The following LAMA2 variants were observed in gnomAD, a reference collection of about 807,000 sequenced individuals.
LAMA2 encodes laminin subunit alpha 2, also known as laminin subunit alpha-2.
In LAMA2, 269 loss-of-function variants were observed where a neutral mutation model predicts 364.8. That is an observed-to-expected ratio of 0.74 (90% CI 0.67 to 0.82). The LOEUF (loss-of-function observed/expected upper bound fraction) is 0.82, where lower values mean the gene tolerates loss of function less well. Among genes scored for constraint, LAMA2 ranks in the 40% least tolerant of loss-of-function variants. LAMA2 has a pLI of 0.00. For synonymous variants in LAMA2, 1,379 were observed against 1,370.6 expected (o/e 1.01, Z -0.14); for missense variants, 3,807 against 3,873.2 (o/e 0.98, Z 0.45).
intron 1 of LAMA2, among the ~76,000 whole-genome samples, chr6:128,979,318 A>C (rs1045479360): frequency 2.0e-5 from 3 of 152,164 alleles, no homozygotes; most frequent in Non-Finnish European, 4.4e-5. Context: ...TCTCCGTTTG[A>C]ACTAGTGCAG....
intron 19 of LAMA2, among the ~76,000 whole-genome samples, chr6:129,289,956 A>G (rs1254276869): frequency 6.6e-6 from 1 of 152,286 alleles, no homozygotes; most frequent in East Asian, 1.9e-4. Context: ...TAAAACCTCA[A>G]GGAAAGAAAG....
At chr6:129,023,348 C>A (rs1582889028) in intron 1 of LAMA2, among the ~76,000 whole-genome samples, 1 of 152,154 alleles carries the variant, frequency 6.6e-6, no homozygotes, top group Admixed American at 6.5e-5. Flanking sequence ...TTGTAGGTAA[C>A]CTTTATAGAT....
intron 1 of LAMA2, among the ~76,000 whole-genome samples, chr6:128,907,865 C>A (rs145023738): frequency 0.011 from 1,623 of 152,178 alleles, 27 homozygotes; most frequent in African/African-American, 0.037. Flanking sequence ...ATTTTGTCAA[C>A]GGCCTTTTCT....
chr6:129,479,437 T>G (rs1162742707), intron 54 of LAMA2, among the ~76,000 whole-genome samples: 1 of 152,194 alleles, frequency 6.6e-6, no homozygotes, highest in Non-Finnish European at 1.5e-5. Context: ...TTCGTTTAAC[T>G]ATTTTGCACT....
chr6:128,925,144 T>G (rs139020715), intron 1 of LAMA2, among the ~76,000 whole-genome samples: 19 of 152,216 alleles, frequency 1.2e-4, no homozygotes, highest in Admixed American at 3.9e-4. Context: ...TACAATAGGA[T>G]CCAACAATTC....
At chr6:129,131,479 C>T (rs1777472919) in intron 4 of LAMA2, among the ~76,000 whole-genome samples, 1 of 152,178 alleles carries the variant, frequency 6.6e-6, no homozygotes, top group Admixed American at 6.5e-5. Flanking sequence ...CTGCAGCTCC[C>T]TGTGGTCAGT....
intron 22 of LAMA2, among the ~76,000 whole-genome samples, 171 bp from the exon 23 acceptor site, chr6:129,312,690 A>G (rs1420000232): frequency 6.6e-6 from 1 of 152,222 alleles, no homozygotes; most frequent in Non-Finnish European, 1.5e-5. Flanking sequence ...AGCAATTTTA[A>G]TGTTTATGTT....
At chr6:128,931,624 G>T (rs769517774) in intron 1 of LAMA2, among the ~76,000 whole-genome samples, 1 of 152,128 alleles carries the variant, frequency 6.6e-6, no homozygotes, top group Admixed American at 6.6e-5. Flanking sequence ...ATATCAAAGG[G>T]TGAACTCTGG....
At chr6:129,513,034 T>C (rs1786726627) in intron 63 of LAMA2, among the ~76,000 whole-genome samples, 1 of 152,174 alleles carries the variant, frequency 6.6e-6, no homozygotes, top group African/African-American at 2.4e-5. Flanking sequence ...GATAATCAAA[T>C]TCTAAACACC....
At chr6:129,336,661 G>A (rs1775974919) in intron 29 of LAMA2, among the ~76,000 whole-genome samples, 1 of 152,148 alleles carries the variant, frequency 6.6e-6, no homozygotes, top group African/African-American at 2.4e-5. Flanking sequence ...TTCAAATGCT[G>A]GTTTGTTTAA....
chr6:129,263,468 G>A (rs1787280673), intron 15 of LAMA2, among the ~76,000 whole-genome samples: 1 of 152,116 alleles, frequency 6.6e-6, no homozygotes, highest in African/African-American at 2.4e-5. Context: ...TAAATCGAGT[G>A]TTGAAGAATG....
chr6:128,925,317 C>T (rs571912141), intron 1 of LAMA2, among the ~76,000 whole-genome samples: 1 of 152,124 alleles, frequency 6.6e-6, no homozygotes, highest in Non-Finnish European at 1.5e-5. Flanking sequence ...TACGATGGAA[C>T]ATTATTCCGT....
At chr6:129,328,207 C>T in intron 28 of LAMA2, 71 bp from the exon 29 acceptor site, 2 of 1,358,112 alleles carry the variant, frequency 1.5e-6, no homozygotes, top group Non-Finnish European at 2.1e-6. Context: ...TTTGCAGCCA[C>T]TGAAGAGCTC....
In LAMA2 at chr6:129,273,984, A is replaced by C. The variant is rs111334448; in HGVS notation, c.2450+3233A>C. Among the ~76,000 whole-genome samples, 731 of 151,986 alleles carry C rather than the reference A, an allele frequency of 4.8e-3. 4 individuals carry two copies. Among genetic ancestry groups the C allele is most frequent in the Middle Eastern group, 0.044 (13 of 294 alleles). ...ACTAAATAATAATTTTACTTCTAGCAGTAGAATTGGGACTAGAATAGCAAT... is the reference window on the plus strand; with the variant it reads ...ACTAAATAATAATTTTACTTCTAGCCGTAGAATTGGGACTAGAATAGCAAT... On this transcript the variant is annotated intron_variant, in intron 17 of 64. Transcript: ENST00000421865.
At chr6:128,929,123 A>G in intron 1 of LAMA2, 2 of 1,440,350 alleles carry the variant, frequency 1.4e-6, no homozygotes, top group Non-Finnish European at 2.0e-6. Flanking sequence ...GTACAGATCC[A>G]AAAACTCTGG....
intron 39 of LAMA2, among the ~76,000 whole-genome samples, chr6:129,403,156 A>G (rs1780069956): frequency 6.6e-6 from 1 of 152,268 alleles, no homozygotes; most frequent in Non-Finnish European, 1.5e-5. Context: ...TAATTTGCCC[A>G]GATAAATCTA....
At chr6:129,325,438 A>C (rs1340256339) in intron 28 of LAMA2, among the ~76,000 whole-genome samples, 1 of 152,172 alleles carries the variant, frequency 6.6e-6, no homozygotes, top group African/African-American at 2.4e-5. Flanking sequence ...GTCTCAGTTC[A>C]CCAAGAGGAA....
chr6:129,386,448 G>GA (rs1272700524), intron 35 of LAMA2, among the ~76,000 whole-genome samples: 1 of 151,876 alleles, frequency 6.6e-6, no homozygotes, highest in Non-Finnish European at 1.5e-5. Flanking sequence ...TGGTGGGGGA[G>GA]ATTTCTAAGA....
rs1005778396 is a variant in LAMA2, at chr6:129,089,937, A to T, written c.397-8236A>T. Among the ~76,000 whole-genome samples, 53 of 152,352 alleles carry T rather than the reference A, an allele frequency of 3.5e-4. 1 individual carries two copies. Among genetic ancestry groups the T allele is most frequent in the African/African-American group, 1.3e-3 (52 of 41,594 alleles). ...TGATAATTAATTTGAAAGAATTATT[A>T]AAGCATATTTCTTGAGCTAAGAATG... On this transcript the variant is annotated intron_variant, in intron 3 of 64. Coordinates refer to ENST00000421865, the MANE Select transcript of LAMA2 (RefSeq NM_000426.4).
Sources: allele counts gnomAD v4.1 joint callset (sites outside exome capture counted in the v4.1 genomes callset), GRCh38; gene constraint gnomAD v4.1.1; transcripts MANE v1.5; gene names NCBI Gene and HGNC (gene_info 2026-07-23, HGNC 2026-07-21).